The following UFC1 variants were observed in gnomAD, a reference collection of about 807,000 sequenced individuals.
UFC1 encodes ubiquitin-fold modifier conjugating enzyme 1.
UFC1 carries 22 observed loss-of-function variants against 28.0 expected under a neutral mutation model. The observed-to-expected ratio is 0.78, with a 90% confidence interval of 0.56 to 1.12. The LOEUF (loss-of-function observed/expected upper bound fraction) is 1.12, where lower values mean the gene tolerates loss of function less well. Ranked by LOEUF, UFC1 falls within the 50% of genes most tolerant of loss-of-function variation. The pLI is 0.00. For synonymous variants in UFC1, 61 were observed against 74.5 expected, an observed-to-expected ratio of 0.82 and a Z score of 0.93; for missense variants, 189 against 207.8, an observed-to-expected ratio of 0.91 and a Z score of 0.56.
intron 4 of UFC1, 123 bp from the exon 5 acceptor site, chr1:161,157,998 C>G: frequency 2.3e-6 from 2 of 876,416 alleles, no homozygotes; most frequent in Non-Finnish European, 3.6e-6. Context: ...TGAGCCTAAG[C>G]AAAGTACTTA....
At position 161,156,940 on chromosome 1, in the gene UFC1, C is replaced by T; in HGVS notation, c.124-10C>T. The T allele has an allele frequency of 6.2e-7, 1 of 1,613,904 alleles. No individual in the cohort carries two copies. The highest frequency in any genetic ancestry group is 1.1e-5 in the South Asian group (1 of 91,076). Reference sequence around the variant, plus strand: ...ACTACTCTCTCAAAGACCTCATTCTCTGCTTTCAGTATGTGGAGAACAACA... The same window carrying T: ...ACTACTCTCTCAAAGACCTCATTCTTTGCTTTCAGTATGTGGAGAACAACA... On this transcript the variant is annotated splice_polypyrimidine_tract_variant and intron_variant, in intron 1 of 5. Transcript: ENST00000368003.
At position 161,156,985 on chromosome 1, in the gene UFC1, G is replaced by T; in HGVS notation, c.159G>T (p.Trp53Cys). The T allele has an allele frequency of 6.2e-7, 1 of 1,614,198 alleles. No homozygotes were observed. Among genetic ancestry groups the T allele is most frequent in the Non-Finnish European group, 8.5e-7 (1 of 1,180,032 alleles). The part of the protein sequence containing the change: ...VENNKNADND[W>C]FRLESNKEGT... ...ACAACAAGAATGCTGACAACGATTG[G>T]TTCCGACTGGAGTCCAACAAGGAAG... Residue 53 changes from tryptophan (W) to cysteine (C), a missense_variant, in exon 2 of 6, where the codon TGG becomes TGT. Trp to Cys is a radical substitution (Grantham distance 215). Coordinates refer to ENST00000368003, the MANE Select transcript of UFC1 (RefSeq NM_016406.4).
Position 161,158,018 on chromosome 1 carries a change from G to T in UFC1, c.333-103G>T, listed in dbSNP as rs563171880. ...CTAAGCAAAGTACTTAGCTGAACTTGTTCTCAATTCTGATCACTAGTAGTC... is the reference window on the plus strand; with the variant it reads ...CTAAGCAAAGTACTTAGCTGAACTTTTTCTCAATTCTGATCACTAGTAGTC... On this transcript the variant is annotated intron_variant, in intron 4 of 5. Coordinates refer to ENST00000368003, the MANE Select transcript of UFC1 (RefSeq NM_016406.4). The T allele has an allele frequency of 5.8e-5, 61 of 1,047,768 alleles. No homozygotes were observed. The Admixed American group carries it at 8.3e-4, about 14-fold the overall frequency. The allele number at this position is 1,047,768 out of a possible 1,614,324, so 64.9% of individuals were successfully genotyped here.
intron 3 of UFC1, 32 bp downstream of exon 3, chr1:161,157,349 T>TAGTAGA: frequency 6.2e-7 from 1 of 1,611,882 alleles, no homozygotes; most frequent in Non-Finnish European, 8.5e-7. Flanking sequence ...ATATGAAGGT[T>TAGTAGA]AGTAGAAGGG....
intron 1 of UFC1, among the ~76,000 whole-genome samples, chr1:161,156,346 T>C (rs1169401968): frequency 1.3e-5 from 2 of 149,236 alleles, no homozygotes; most frequent in South Asian, 2.1e-4. Context: ...CTGGCTAATA[T>C]GGTGAAACCC....
Position 161,154,062 on chromosome 1 carries a change from C to G in UFC1, c.65C>G (p.Pro22Arg), listed in dbSNP as rs758943131. The G allele has an allele frequency of 6.2e-7, 1 of 1,613,766 alleles. No individual in the cohort carries two copies. The highest frequency in any genetic ancestry group is 1.1e-5 in the South Asian group (1 of 91,044). ...CCGGTGCTGAAGACTAACGCCGGAC[C>G]CCGAGATCGTGAGTTGTGGGTGCAG... ...EIPVLKTNAG[P>R]RDRELWVQRL... is the part of the protein sequence containing the mutation. Residue 22 changes from proline to arginine, a missense_variant, in exon 1 of 6, where the codon CCC becomes CGC. Transcript: ENST00000368003.
chr1:161,157,217 A>G (rs760810685), intron 2 of UFC1, 37 bp from the exon 3 acceptor site: 2 of 1,613,694 alleles, frequency 1.2e-6, no homozygotes, highest in Non-Finnish European at 1.7e-6. Flanking sequence ...TACTGGAAGA[A>G]TAGGCAAATT....
chr1:161,154,712 T>C (rs1256339707), intron 1 of UFC1, among the ~76,000 whole-genome samples: 1 of 152,178 alleles, frequency 6.6e-6, no homozygotes, highest in African/African-American at 2.4e-5. Context: ...CTCGATCCCC[T>C]GACCTCGTGA....
chr1:161,154,020 G>C lies in UFC1; in HGVS notation c.23G>C (p.Arg8Pro). MADEATR[R>P]VVSEIPVLKT... is the part of the protein sequence containing the mutation. ...AAGATGGCGGATGAAGCCACGCGAC[G>C]TGTTGTGTCTGAGATCCCGGTGCTG... Residue 8 changes from arginine (R) to proline (P), a missense_variant, in exon 1 of 6, where the codon CGT (arginine) becomes CCT (proline). Arg to Pro is a moderately radical substitution (Grantham distance 103, BLOSUM62 -2). Coordinates refer to ENST00000368003, the MANE Select transcript of UFC1 (RefSeq NM_016406.4). 1.2e-6 allele frequency: 2 copies of C among 1,614,122 alleles called. No homozygotes were observed. Among genetic ancestry groups the C allele is most frequent in the East Asian group, 2.2e-5 (1 of 44,884 alleles).
rs954647432 is a variant in UFC1 at position 161,158,724 on chromosome 1, T to C, written c.*232T>C. The C allele has an allele frequency of 9.1e-6, 5 of 547,504 alleles. No individual in the cohort carries two copies. Among genetic ancestry groups the C allele is most frequent in the Admixed American group, 3.1e-5 (1 of 32,388 alleles). 33.9% of individuals were successfully genotyped at this position (547,504 alleles called of 1,614,324 possible). On this transcript the variant is annotated 3_prime_UTR_variant, in exon 6 of 6. Transcript: ENST00000368003. ...GGGAAAGACTGGGCTTTGGACAATC[T>C]AGAGGTAATTTATATCCGCCCCCAG...
rs373831792 is a variant in UFC1, at chr1:161,154,096, G to A, written c.99G>A (p.Lys33=). The A allele has an allele frequency of 4.3e-6, 7 of 1,613,986 alleles. No individual in the cohort carries two copies. The highest frequency in any genetic ancestry group is 5.1e-6 in the Non-Finnish European group (6 of 1,180,034). ...RDRELWVQRL[K]EEYQSLIRYV... ...GTGAGTTGTGGGTGCAGCGACTGAAGGAGGAATATCAGTCCCTTATCCGGG... is the reference window on the plus strand; with the variant it reads ...GTGAGTTGTGGGTGCAGCGACTGAAAGAGGAATATCAGTCCCTTATCCGGG... The change falls in exon 1 of 6, where the codon AAG becomes AAA. Residue 33 remains lysine (K), a synonymous_variant. Coordinates refer to ENST00000368003, the MANE Select transcript of UFC1 (RefSeq NM_016406.4).
At chr1:161,156,083 G>A (rs1657495942) in intron 1 of UFC1, among the ~76,000 whole-genome samples, 1 of 152,204 alleles carries the variant, frequency 6.6e-6, no homozygotes, top group African/African-American at 2.4e-5. Flanking sequence ...CACTATCAGA[G>A]AAGTGAGAGG....
intron 1 of UFC1, 94 bp from the exon 2 acceptor site, chr1:161,156,856 A>G: frequency 5.2e-6 from 6 of 1,152,196 alleles, no homozygotes; most frequent in Non-Finnish European, 7.5e-6. Context: ...AAAAATAAAA[A>G]ATAAAAAAAA....
chr1:161,156,256 C>T (rs1402541576), intron 1 of UFC1, among the ~76,000 whole-genome samples: 5 of 151,910 alleles, frequency 3.3e-5, no homozygotes, highest in African/African-American at 1.2e-4. Flanking sequence ...GTAGGCTGGG[C>T]GTGGTGGCTC....
chr1:161,157,648 A>C lies in UFC1; in HGVS notation c.287A>C (p.Glu96Ala). 6.2e-7 allele frequency: 1 copy of C among 1,614,158 alleles called. No homozygotes were observed. The highest frequency in any genetic ancestry group is 8.5e-7 in the Non-Finnish European group (1 of 1,180,000). ...IPITYPTTAP[E>A]IAVPELDGKT... Reference sequence around the variant, plus strand: ...ATCACATATCCTACTACTGCCCCAGAAATTGCAGTTCCTGAGCTGGATGGA... The same window carrying C: ...ATCACATATCCTACTACTGCCCCAGCAATTGCAGTTCCTGAGCTGGATGGA... The change falls in exon 4 of 6, where the codon GAA becomes GCA. Residue 96 changes from glutamate to alanine, a missense_variant. Transcript: ENST00000368003.
intron 1 of UFC1, among the ~76,000 whole-genome samples, chr1:161,156,536 C>CA (rs754220776): frequency 0.15 from 7,491 of 49,028 alleles, 468 homozygotes; most frequent in African/African-American, 0.21. Context: ...GAGACTGTCT[C>CA]AAAAAAAAAA....
intron 1 of UFC1, among the ~76,000 whole-genome samples, chr1:161,155,144 A>G (rs1334375139): frequency 9.2e-5 from 14 of 152,248 alleles, no homozygotes; most frequent in Non-Finnish European, 2.1e-4. Flanking sequence ...ACAGATATAA[A>G]GCGAGAAATG....
At chr1:161,158,390 C>A in intron 5 of UFC1, 22 bp from the exon 6 acceptor site, 1 of 1,614,054 alleles carries the variant, frequency 6.2e-7, no homozygotes, top group East Asian at 2.2e-5. Context: ...AGTAATCTCA[C>A]AGGATTTTCC....
At chr1:161,154,248 G>C (rs1222419245) in intron 1 of UFC1, 128 bp downstream of exon 1, 2 of 1,446,290 alleles carry the variant, frequency 1.4e-6, no homozygotes. Context: ...ATAGAAATGG[G>C]ACTATTGTGG....
Sources: allele counts gnomAD v4.1 joint callset (sites outside exome capture counted in the v4.1 genomes callset), GRCh38; gene constraint gnomAD v4.1.1; transcripts MANE v1.5; gene names NCBI Gene and HGNC (gene_info 2026-07-23, HGNC 2026-07-21).